Variants in ERC2 observed in about 807,000 individuals in gnomAD.
ERC2 encodes ELKS/RAB6-interacting/CAST family member 2.
ERC2 carries 42 observed loss-of-function variants against 114.8 expected under a neutral mutation model. The observed-to-expected ratio is 0.37, with a 90% CI of 0.29 to 0.47. The LOEUF (loss-of-function observed/expected upper bound fraction) is 0.47. Among genes scored for constraint, ERC2 ranks in the 20% least tolerant of loss-of-function variants. The pLI, the probability that ERC2 is intolerant of heterozygous loss-of-function variation, is 0.99. For synonymous variants in ERC2, 454 were observed against 425.5 expected (o/e 1.07, Z -0.82); for missense variants, 939 against 1,150.7 (o/e 0.82, Z 2.66).
chr3:55,824,333 C>G (rs1255344583), intron 14 of ERC2, among the ~76,000 whole-genome samples: 1 of 152,112 alleles, frequency 6.6e-6, no homozygotes, highest in Non-Finnish European at 1.5e-5. Flanking sequence ...TTGAAGATGG[C>G]CAACCTTCCA....
intron 17 of ERC2, among the ~76,000 whole-genome samples, chr3:55,683,004 A>G (rs562011105): frequency 6.6e-5 from 10 of 152,340 alleles, no homozygotes; most frequent in African/African-American, 2.2e-4. Context: ...TCACTATTCA[A>G]TCGTAATGCA....
At chr3:55,819,706 A>T (rs1306921342) in intron 14 of ERC2, among the ~76,000 whole-genome samples, 1 of 152,194 alleles carries the variant, frequency 6.6e-6, no homozygotes, top group African/African-American at 2.4e-5. Flanking sequence ...TTAGACAATG[A>T]TGATATTAGG....
chr3:56,365,089 A>G (rs1465170165), intron 2 of ERC2, among the ~76,000 whole-genome samples: 1 of 152,204 alleles, frequency 6.6e-6, no homozygotes, highest in Non-Finnish European at 1.5e-5. Flanking sequence ...AATGTCTGAT[A>G]CCCAGTATTC....
intron 14 of ERC2, among the ~76,000 whole-genome samples, chr3:55,863,759 A>G (rs1463986392): frequency 1.3e-5 from 2 of 152,188 alleles, no homozygotes; most frequent in Admixed American, 1.3e-4. Context: ...TATTCAACCC[A>G]AAGTATTAAA....
chr3:56,018,990 T>C lies in ERC2; in HGVS notation c.1683A>G (p.Gln561=). ...LQEQLRDKDK[Q]LTNLKDRVKS... ...TCACTCTGTCTTTCAGGTTGGTCAG[T>C]TGCTTGTCTTTATCCCTAAGTTGTT... The change falls in exon 8 of 18, where the codon CAA becomes CAG. Residue 561 remains glutamine, a synonymous_variant. Coordinates refer to ENST00000288221, the MANE Select transcript of ERC2 (RefSeq NM_015576.3). 1 of 1,612,998 alleles carries C rather than the reference T, an allele frequency of 6.2e-7. No homozygotes were observed. Among genetic ancestry groups the C allele is most frequent in the African/African-American group, 1.3e-5 (1 of 74,994 alleles).
Position 56,252,757 on chromosome 3 carries a change from C to CAAAAAAAAAAA in ERC2, c.1074+43251_1074+43261dup, listed in dbSNP as rs71099628. Among the ~76,000 whole-genome samples, 44 of 74,120 alleles carry CAAAAAAAAAAA rather than the reference C, an allele frequency of 5.9e-4. 3 individuals are homozygous for CAAAAAAAAAAA. Among genetic ancestry groups the CAAAAAAAAAAA allele is most frequent in the African/African-American group, 1.9e-3 (33 of 17,474 alleles). The allele number at this position is 74,120 out of a possible 152,430, so 48.6% of individuals were successfully genotyped here. ...GGGCAACAAGAGCAAAACTCTGTCT[C>CAAAAAAAAAAA]AAAAAAAAAAAAAAAAAAAGACATG... On this transcript the variant is annotated intron_variant, in intron 3 of 17. Coordinates refer to ENST00000288221, the MANE Select transcript of ERC2 (RefSeq NM_015576.3).
rs191079249 is a variant in ERC2 at position 56,228,203 on chromosome 3, G to T, written c.1075-54683C>A. On this transcript the variant is annotated intron_variant, in intron 3 of 17. Transcript: ENST00000288221. ...TTTTTATTCGTCATTTCTAACTGTGGTAAAATATACATAATATTTACCATC... is the reference window on the plus strand; with the variant it reads ...TTTTTATTCGTCATTTCTAACTGTGTTAAAATATACATAATATTTACCATC... 2.8e-3 allele frequency among the ~76,000 whole-genome samples: 428 copies of T among 152,174 alleles called. 1 individual carries two copies. Among genetic ancestry groups the T allele is most frequent in the African/African-American group, 9.9e-3 (409 of 41,508 alleles).
chr3:56,396,748 G>T (rs573043098), intron 2 of ERC2, among the ~76,000 whole-genome samples: 2 of 152,256 alleles, frequency 1.3e-5, no homozygotes, highest in South Asian at 4.1e-4. Context: ...GCACAGAAAG[G>T]AAAGATTTTT....
At chr3:55,913,944 T>G (rs1483593376) in intron 13 of ERC2, among the ~76,000 whole-genome samples, 2 of 152,196 alleles carry the variant, frequency 1.3e-5, no homozygotes, top group African/African-American at 4.8e-5. Flanking sequence ...AGAATCCACC[T>G]TAGATTGAAG....
intron 6 of ERC2, among the ~76,000 whole-genome samples, chr3:56,138,051 C>CTTTTTTTT (rs920983143): frequency 2.2e-5 from 2 of 92,630 alleles, no homozygotes; most frequent in Non-Finnish European, 4.5e-5. Context: ...AATGGTATTT[C>CTTTTTTTT]TTTTTTTTTT....
chr3:56,312,102 G>A (rs1254776364), intron 2 of ERC2, among the ~76,000 whole-genome samples: 2 of 152,126 alleles, frequency 1.3e-5, no homozygotes, highest in African/African-American at 4.8e-5. Context: ...GCCATTTTAT[G>A]TCAGGGACTT....
At chr3:56,003,188 A>T (rs2072212161) in intron 10 of ERC2, 1 of 1,259,168 alleles carries the variant, frequency 7.9e-7, no homozygotes, top group East Asian at 5.7e-5. Context: ...AGAAGGAAAG[A>T]TCCAGAAAAA....
chr3:55,568,902 T>C (rs934545178), intron 17 of ERC2, among the ~76,000 whole-genome samples: 1 of 152,184 alleles, frequency 6.6e-6, no homozygotes, highest in African/African-American at 2.4e-5. Flanking sequence ...GCTCCACTCA[T>C]GTCACGTGTC....
At chr3:56,337,930 A>C (rs1274545931) in intron 2 of ERC2, among the ~76,000 whole-genome samples, 2 of 152,254 alleles carry the variant, frequency 1.3e-5, no homozygotes, top group African/African-American at 4.8e-5. Flanking sequence ...ACATGGTGCA[A>C]AAAATTAATA....
intron 6 of ERC2, among the ~76,000 whole-genome samples, chr3:56,128,447 C>T (rs910473605): frequency 1.3e-5 from 2 of 152,232 alleles, no homozygotes; most frequent in African/African-American, 4.8e-5. Context: ...ACCTAATACA[C>T]ACGTACACCT....
At chr3:56,342,262 A>C (rs1334768656) in intron 2 of ERC2, among the ~76,000 whole-genome samples, 7 of 152,228 alleles carry the variant, frequency 4.6e-5, no homozygotes, top group Non-Finnish European at 1.0e-4. Context: ...TATTGCCATC[A>C]CAGAACTCAG....
At chr3:56,408,361 T>A (rs914620151) in intron 2 of ERC2, among the ~76,000 whole-genome samples, 1 of 152,132 alleles carries the variant, frequency 6.6e-6, no homozygotes, top group African/African-American at 2.4e-5. Flanking sequence ...GACACAGAGC[T>A]GAAGGTTGCC....
chr3:55,802,798 T>C (rs993757995), intron 14 of ERC2, among the ~76,000 whole-genome samples: 2 of 152,170 alleles, frequency 1.3e-5, no homozygotes, highest in Non-Finnish European at 2.9e-5. Flanking sequence ...GAAAGTTAGA[T>C]ATCCTTCTAT....
At chr3:55,893,882 C>T (rs188308850) in intron 13 of ERC2, among the ~76,000 whole-genome samples, 12 of 152,258 alleles carry the variant, frequency 7.9e-5, no homozygotes, top group Non-Finnish European at 1.6e-4. Context: ...ATGTGTGTAT[C>T]CCTAGCCTCT....
Sources: gnomAD v4.1 joint callset for allele counts (sites outside exome capture counted in the v4.1 genomes callset) on GRCh38, gnomAD v4.1.1 for gene constraint, MANE v1.5 for transcripts, NCBI Gene and HGNC (gene_info 2026-07-23, HGNC 2026-07-21) for gene names.